NRXN3: variants seen among roughly 807,000 people sequenced by gnomAD.
NRXN3 encodes neurexin III.
NRXN3 carries 32 observed loss-of-function variants against 137.6 expected under a neutral mutation model. The ratio of observed to expected loss-of-function variants is 0.23; its 90% CI spans 0.18 to 0.31. The LOEUF is 0.31. NRXN3 is among the 10% of genes least tolerant of loss of function. NRXN3 has a pLI of 1.00. For missense variants in NRXN3, 1,574 were observed against 2,062.5 expected, an observed-to-expected ratio of 0.76 and a Z score of 4.59; for synonymous variants, 798 against 784.5, an observed-to-expected ratio of 1.02 and a Z score of -0.29.
intron 19 of NRXN3, among the ~76,000 whole-genome samples, chr14:79,779,913 G>A (rs2140067678): frequency 6.6e-6 from 1 of 152,112 alleles, no homozygotes; most frequent in African/African-American, 2.4e-5. Context: ...TGTCCAGGCT[G>A]GAGTGCAGTG....
At chr14:79,669,980 G>A (rs2098597695) in intron 17 of NRXN3, among the ~76,000 whole-genome samples, 2 of 152,036 alleles carry the variant, frequency 1.3e-5, no homozygotes, top group Non-Finnish European at 1.5e-5. Flanking sequence ...CTGACTACCG[G>A]TACTGTTCAA....
intron 4 of NRXN3, among the ~76,000 whole-genome samples, chr14:78,562,396 CA>C (rs752464669): frequency 0.14 from 6,738 of 49,390 alleles, 134 homozygotes; most frequent in East Asian, 0.23. Flanking sequence ...ACTTATATCT[CA>C]AAAAAAAAAA....
chr14:79,360,002 C>T (rs1160876200), intron 15 of NRXN3, among the ~76,000 whole-genome samples: 2 of 152,138 alleles, frequency 1.3e-5, no homozygotes, highest in Admixed American at 1.3e-4. Flanking sequence ...TGGAAACAGG[C>T]ATTTGACATT....
intron 8 of NRXN3, among the ~76,000 whole-genome samples, chr14:78,723,428 G>T (rs1045448029): frequency 1.3e-5 from 2 of 152,190 alleles, no homozygotes; most frequent in Non-Finnish European, 2.9e-5. Flanking sequence ...GCAAGGGTTT[G>T]GCCATGGAAG....
At chr14:78,273,668 A>G (rs1040235882) in intron 2 of NRXN3, among the ~76,000 whole-genome samples, 5 of 152,218 alleles carry the variant, frequency 3.3e-5, no homozygotes, top group Non-Finnish European at 5.9e-5. Context: ...ATACATAGGT[A>G]AATATGTGTG....
At chr14:79,754,001 A>G (rs1318751687) in intron 19 of NRXN3, among the ~76,000 whole-genome samples, 1 of 152,024 alleles carries the variant, frequency 6.6e-6, no homozygotes, top group Non-Finnish European at 1.5e-5. Context: ...GAGATGATTT[A>G]AAGTACATGG....
chr14:78,709,115 T>C, intron 6 of NRXN3, 102 bp from the exon 7 acceptor site: 2 of 1,075,946 alleles, frequency 1.9e-6, no homozygotes, highest in East Asian at 2.4e-5. Flanking sequence ...GGCTATGTCC[T>C]GAAGCCTCTT....
chr14:79,517,952 C>T (rs1023692210), intron 16 of NRXN3, among the ~76,000 whole-genome samples: 7 of 120,216 alleles, frequency 5.8e-5, no homozygotes, highest in African/African-American at 6.6e-5. Context: ...GTCATCCAGG[C>T]TGGAGTACAG....
chr14:79,806,056 A>G (rs377634177), intron 20 of NRXN3, among the ~76,000 whole-genome samples: 1 of 152,166 alleles, frequency 6.6e-6, no homozygotes, highest in Non-Finnish European at 1.5e-5. Context: ...AAACGTTTAT[A>G]TGTATATAAT....
intron 1 of NRXN3, among the ~76,000 whole-genome samples, chr14:78,241,331 T>C (rs573766695): frequency 8.5e-5 from 13 of 152,166 alleles, no homozygotes; most frequent in African/African-American, 3.1e-4. Flanking sequence ...TCACCTCCTA[T>C]GTATAAAGCC....
At chr14:78,524,280 C>T (rs887940320) in intron 4 of NRXN3, among the ~76,000 whole-genome samples, 3 of 152,108 alleles carry the variant, frequency 2.0e-5, no homozygotes, top group African/African-American at 7.2e-5. Flanking sequence ...GATATATAAA[C>T]GTGGAGAAAA....
chr14:78,665,169 T>A (rs1403117929), intron 6 of NRXN3, among the ~76,000 whole-genome samples: 1 of 152,146 alleles, frequency 6.6e-6, no homozygotes, highest in Non-Finnish European at 1.5e-5. Flanking sequence ...ATAAGTGGCA[T>A]GAAGGAAATG....
chr14:78,816,502 C>G (rs1028934418), intron 10 of NRXN3, among the ~76,000 whole-genome samples: 1 of 151,940 alleles, frequency 6.6e-6, no homozygotes, highest in South Asian at 2.1e-4. Flanking sequence ...TATTTTATTC[C>G]GTCTAATAGC....
intron 15 of NRXN3, among the ~76,000 whole-genome samples, chr14:79,275,475 A>G (rs2080132715): frequency 6.6e-6 from 1 of 151,864 alleles, no homozygotes; most frequent in Admixed American, 6.5e-5. Flanking sequence ...GTGGCAAGTC[A>G]GAGTCTATAC....
chr14:79,839,140 C>CAGAGGCT, intron 20 of NRXN3, among the ~76,000 whole-genome samples: 1 of 151,938 alleles, frequency 6.6e-6, no homozygotes, highest in Non-Finnish European at 1.5e-5. Flanking sequence ...AGGGTACTTT[C>CAGAGGCT]TTATGCTGGA....
intron 19 of NRXN3, among the ~76,000 whole-genome samples, chr14:79,738,748 A>G (rs918221019): frequency 6.6e-6 from 1 of 152,004 alleles, no homozygotes; most frequent in Non-Finnish European, 1.5e-5. Flanking sequence ...TAATAGAGAC[A>G]GGGTTTCACC....
chr14:79,463,851 C>T lies in NRXN3; in HGVS notation c.3263-3370C>T, dbSNP rs186509252. On this transcript the variant is annotated intron_variant, in intron 15 of 20. Transcript: ENST00000335750. ...TATAGCATGCCTCAGAAATGAAAAT[C>T]TTTGATGAATTAAGAGGAGGTTCTT... Among the ~76,000 whole-genome samples, 670 of 152,218 alleles carry T rather than the reference C, an allele frequency of 4.4e-3. 7 individuals are homozygous for T. Among genetic ancestry groups the T allele is most frequent in the African/African-American group, 0.015 (615 of 41,528 alleles).
At chr14:79,368,451 G>C (rs1357900536) in intron 15 of NRXN3, among the ~76,000 whole-genome samples, 1 of 152,120 alleles carries the variant, frequency 6.6e-6, no homozygotes, top group African/African-American at 2.4e-5. Context: ...AAGAAAACTT[G>C]TCTTCCTAAT....
chr14:79,284,211 A>C (rs1305898221), intron 15 of NRXN3, among the ~76,000 whole-genome samples: 1 of 149,534 alleles, frequency 6.7e-6, no homozygotes, highest in Non-Finnish European at 1.5e-5. Flanking sequence ...TAAGAAATCC[A>C]ATGTGTCTGG....
Sources: allele counts gnomAD v4.1 joint callset (sites outside exome capture counted in the v4.1 genomes callset), GRCh38; gene constraint gnomAD v4.1.1; transcripts MANE v1.5; gene names NCBI Gene and HGNC (gene_info 2026-07-23, HGNC 2026-07-21).